Variants in NAALADL2 observed in about 807,000 individuals in gnomAD.
NAALADL2 encodes N-acetylated alpha-linked acidic dipeptidase like 2.
A neutral mutation model predicts 87.2 loss-of-function variants in NAALADL2; 76 were observed. The observed-to-expected ratio is 0.87, with a 90% CI of 0.72 to 1.05. The LOEUF (loss-of-function observed/expected upper bound fraction) is 1.05. Ranked by LOEUF, NAALADL2 falls within the 50% of genes least tolerant of loss-of-function variation. The probability of loss-of-function intolerance (pLI) is 0.00; values close to 1 mark genes in which losing one functional copy is unlikely to be tolerated. For missense variants in NAALADL2, 1,089 were observed against 945.8 expected (o/e 1.15, Z -1.99); for synonymous variants, 354 against 331.0 (o/e 1.07, Z -0.75).
At chr3:175,354,871 TAC>T (rs1553872127) in intron 5 of NAALADL2, among the ~76,000 whole-genome samples, 2 of 106,774 alleles carry the variant, frequency 1.9e-5, no homozygotes, top group South Asian at 3.0e-4. Flanking sequence ...CATACATACA[TAC>T]ATATATATAC....
intron 5 of NAALADL2, among the ~76,000 whole-genome samples, chr3:175,419,866 A>G (rs867650344): frequency 1.3e-5 from 2 of 151,930 alleles, no homozygotes; most frequent in South Asian, 2.1e-4. Flanking sequence ...CCAGTGTCCA[A>G]TTTTTTTAAG....
intron 2 of NAALADL2, among the ~76,000 whole-genome samples, chr3:174,683,632 GTGT>G (rs1727763247): frequency 2.2e-3 from 1 of 454 alleles, no homozygotes; most frequent in Non-Finnish European, 4.5e-3. Context: ...AACTTCTGGT[GTGT>G]GTGTGTGTGT....
chr3:175,474,184 A>G (rs1725305130), intron 9 of NAALADL2, among the ~76,000 whole-genome samples: 1 of 152,160 alleles, frequency 6.6e-6, no homozygotes, highest in African/African-American at 2.4e-5. Flanking sequence ...CTAAATTGTA[A>G]ATGACACAAG....
chr3:174,989,939 TTAATA>T (rs1256860788), intron 1 of NAALADL2, among the ~76,000 whole-genome samples: 1 of 152,182 alleles, frequency 6.6e-6, no homozygotes, highest in African/African-American at 2.4e-5. Context: ...CCTCATTGTT[TTAATA>T]TAATAAATTT....
At chr3:174,800,989 G>A (rs925458223) in intron 3 of NAALADL2, among the ~76,000 whole-genome samples, 1 of 152,190 alleles carries the variant, frequency 6.6e-6, no homozygotes, top group South Asian at 2.1e-4. Flanking sequence ...ATTGGATCTA[G>A]GAAGTAACTA....
At chr3:174,611,193 A>C (rs1054289591) in intron 2 of NAALADL2, among the ~76,000 whole-genome samples, 1 of 151,504 alleles carries the variant, frequency 6.6e-6, no homozygotes, top group African/African-American at 2.4e-5. Context: ...GAGGGATAGC[A>C]TTAGGAGATA....
intron 11 of NAALADL2, among the ~76,000 whole-genome samples, chr3:175,710,649 G>T (rs1021851996): frequency 6.6e-6 from 1 of 150,558 alleles, no homozygotes; most frequent in Admixed American, 6.7e-5. Context: ...GCACAATGAG[G>T]GTATGGAAGA....
intron 1 of NAALADL2, among the ~76,000 whole-genome samples, chr3:175,012,162 TTTTA>T (rs751255238): frequency 6.6e-6 from 1 of 152,046 alleles, no homozygotes; most frequent in African/African-American, 2.4e-5. Context: ...TTGTGAATTA[TTTTA>T]TTTATTTATT....
At chr3:175,370,199 T>G (rs971345147) in intron 5 of NAALADL2, among the ~76,000 whole-genome samples, 4 of 152,200 alleles carry the variant, frequency 2.6e-5, no homozygotes, top group Admixed American at 2.0e-4. Context: ...TCTATGCATT[T>G]CTCTGGGAAG....
In NAALADL2 at chr3:174,731,888, A is replaced by C. The variant is rs77803214; in HGVS notation, c.-114-5753A>C. Among the ~76,000 whole-genome samples the C allele has an allele frequency of 6.2e-3, 939 of 152,260 alleles. 6 individuals carry two copies. The highest frequency in any genetic ancestry group is 0.021 in the African/African-American group (892 of 41,556). ...CCGCTGATCTCAACTGCTAGTTGGC[A>C]AACTTATTTTGTAGTAGACCAGAGA... On this transcript the variant is annotated intron_variant, in intron 2 of 3. Coordinates refer to the NAALADL2 transcript ENST00000434257.
chr3:175,125,493 G>A (rs1726812568), intron 2 of NAALADL2, among the ~76,000 whole-genome samples: 1 of 152,062 alleles, frequency 6.6e-6, no homozygotes. Context: ...AATAGGGGTG[G>A]TGCAAAGATA....
intron 11 of NAALADL2, among the ~76,000 whole-genome samples, chr3:175,699,351 G>C (rs1271284115): frequency 6.6e-6 from 1 of 152,006 alleles, no homozygotes; most frequent in Non-Finnish European, 1.5e-5. Flanking sequence ...CAGGCAACAA[G>C]AGATTAAGAA....
intron 2 of NAALADL2, among the ~76,000 whole-genome samples, chr3:174,677,428 A>G (rs967474261): frequency 2.0e-5 from 3 of 151,976 alleles, no homozygotes; most frequent in African/African-American, 7.2e-5. Context: ...TATTCTGTCA[A>G]TAACATTTGG....
intron 11 of NAALADL2, among the ~76,000 whole-genome samples, chr3:175,663,284 A>G (rs529694973): frequency 6.6e-6 from 1 of 151,736 alleles, no homozygotes. Context: ...AGTAGATTTT[A>G]TGTGTCCAGG....
At chr3:174,993,328 G>A (rs1429077118) in intron 1 of NAALADL2, among the ~76,000 whole-genome samples, 1 of 152,046 alleles carries the variant, frequency 6.6e-6, no homozygotes, top group Non-Finnish European at 1.5e-5. Flanking sequence ...CCTTCACCAT[G>A]TTCCCCCTGG....
chr3:174,848,506 A>G (rs532329856), intron 3 of NAALADL2, among the ~76,000 whole-genome samples: 5 of 152,186 alleles, frequency 3.3e-5, no homozygotes, highest in Admixed American at 6.5e-5. Flanking sequence ...GTTGTGCCAT[A>G]TAAGTTTCTT....
intron 2 of NAALADL2, among the ~76,000 whole-genome samples, chr3:175,165,373 G>A (rs1382177824): frequency 1.3e-5 from 2 of 151,990 alleles, no homozygotes; most frequent in African/African-American, 4.8e-5. Flanking sequence ...TAGTGAATGG[G>A]TAAATCAATC....
chr3:174,771,352 T>C lies in NAALADL2; in HGVS notation c.-9+33606T>C, dbSNP rs560294322. ...CTAGAGGTGATCACAGAAGTATATA[T>C]TGATAGAAAATAACTAGCTTCTATT... On this transcript the variant is annotated intron_variant, in intron 3 of 3. Transcript: ENST00000434257. Among the ~76,000 whole-genome samples the C allele has an allele frequency of 2.6e-4, 39 of 152,282 alleles. No homozygotes were observed. In the South Asian group the frequency reaches 3.5e-3, roughly 14 times the overall value.
chr3:175,315,494 T>C (rs541809297), intron 4 of NAALADL2, among the ~76,000 whole-genome samples: 1 of 152,276 alleles, frequency 6.6e-6, no homozygotes, highest in South Asian at 2.1e-4. Context: ...AATATTTAAC[T>C]TCTCTCCTGG....
Sources: gnomAD v4.1 joint callset for allele counts (sites outside exome capture counted in the v4.1 genomes callset) on GRCh38, gnomAD v4.1.1 for gene constraint, MANE v1.5 for transcripts, NCBI Gene and HGNC (gene_info 2026-07-23, HGNC 2026-07-21) for gene names.